Variants in FGFR4 observed in about 807,000 individuals in gnomAD.
The protein encoded by FGFR4 is fibroblast growth factor receptor 4.
A neutral mutation model predicts 89.9 loss-of-function variants in FGFR4; 63 were observed. The observed-to-expected ratio is 0.70, with a 90% CI of 0.57 to 0.86. The LOEUF is 0.86. Ranked by LOEUF, FGFR4 falls within the 40% of genes least tolerant of loss-of-function variation. The probability of loss-of-function intolerance (pLI) is 0.00; values close to 1 mark genes in which losing one functional copy is unlikely to be tolerated. For missense variants in FGFR4, 928 were observed against 1,106.7 expected, an observed-to-expected ratio of 0.84 and a Z score of 2.29; for synonymous variants, 486 against 479.4, an observed-to-expected ratio of 1.01 and a Z score of -0.18.
rs1024108831 is a variant in FGFR4, at chr5:177,087,040, A to C, written c.-91A>C. 2 of 152,558 alleles carry C rather than the reference A, an allele frequency of 1.3e-5. No homozygotes were observed. The highest frequency in any genetic ancestry group is 6.5e-5 in the Admixed American group (1 of 15,282). The allele number at this position is 152,558 out of a possible 1,614,324, so 9.5% of individuals were successfully genotyped here. A position where few individuals can be genotyped will look rare whatever the true frequency, so the allele number is the denominator to read the frequency against. ...CCAGGTGAGGAGGAGCCAGGTGAGC[A>C]GGACCCTGTGCTGGGCGCGGAGTCA... is the stretch of plus-strand genomic sequence containing the variant. On this transcript the variant is annotated 5_prime_UTR_variant, in exon 1 of 18. Coordinates refer to ENST00000292408, the MANE Select transcript of FGFR4 (RefSeq NM_213647.3). The surrounding 1 kb of genome is among the most constrained non-coding windows in gnomAD (Gnocchi z 6.1).
Position 177,095,189 on chromosome 5 carries a change from T to C in FGFR4, c.1520-141T>C. On this transcript the variant is annotated intron_variant, in intron 11 of 17. Coordinates refer to ENST00000292408, the MANE Select transcript of FGFR4 (RefSeq NM_213647.3). This position sits in a 1 kb window ranked among gnomAD's most constrained non-coding sequence, Gnocchi z 5.7. Reference sequence around the variant, plus strand: ...AGGTTCAGAGACGCTAGGAGACTTTTTCAAGGCCACACAGCCTAGCAAGGA... The same window carrying C: ...AGGTTCAGAGACGCTAGGAGACTTTCTCAAGGCCACACAGCCTAGCAAGGA... 1.4e-6 allele frequency: 1 copy of C among 706,834 alleles called. No homozygotes were observed. The highest frequency in any genetic ancestry group is 2.5e-6 in the Non-Finnish European group (1 of 398,756). 43.8% of individuals were successfully genotyped at this position (706,834 alleles called of 1,614,324 possible).
rs1039989029 is a variant in FGFR4 at position 177,093,679 on chromosome 5, G to A, written c.1423G>A (p.Glu475Lys). ...DRLVLGKPLG[E>K]GCFGQVVRAE... ...GCTGGTGCTTGGGAAGCCCCTAGGC[G>A]AGGGCTGCTTTGGCCAGGTAGTACG... Residue 475 changes from glutamate to lysine, a missense_variant, in exon 11 of 18, where the codon GAG becomes AAG. By Grantham distance (56) the Glu-to-Lys change is moderately conservative. Transcript: ENST00000292408. This position sits in a 1 kb window ranked among gnomAD's most constrained non-coding sequence, Gnocchi z 5.8. 1.2e-6 allele frequency: 2 copies of A among 1,614,216 alleles called. No homozygotes were observed. The highest frequency in any genetic ancestry group is 1.1e-5 in the South Asian group (1 of 91,078).
chr5:177,089,592 G>C lies in FGFR4; in HGVS notation c.-11G>C, dbSNP rs753320536. 1.9e-6 allele frequency: 3 copies of C among 1,612,504 alleles called. No homozygotes were observed. In the South Asian group the frequency reaches 3.3e-5, roughly 18 times the overall value. The stretch of plus-strand genomic sequence containing the variant: ...AGTCCAGCTTGGGTCCCTGAGAGCT[G>C]TGAGAAGGAGATGCGGCTGCTGCTG... On this transcript the variant is annotated 5_prime_UTR_variant, in exon 2 of 18. Coordinates refer to ENST00000292408, the MANE Select transcript of FGFR4 (RefSeq NM_213647.3).
chr5:177,095,027 C>A lies in FGFR4; in HGVS notation c.1520-303C>A. 1 of 362,744 alleles carries A rather than the reference C, an allele frequency of 2.8e-6. No homozygotes were observed. Among genetic ancestry groups the A allele is most frequent in the Non-Finnish European group, 5.3e-6 (1 of 189,922 alleles). The allele number at this position is 362,744 out of a possible 1,614,324, so 22.5% of individuals were successfully genotyped here. On this transcript the variant is annotated intron_variant, in intron 11 of 17. Coordinates refer to ENST00000292408, the MANE Select transcript of FGFR4 (RefSeq NM_213647.3). This position sits in a 1 kb window ranked among gnomAD's most constrained non-coding sequence, Gnocchi z 5.7. ...TTCCTTCCTTCCTTCCTGCTCCGAG[C>A]TCTTCCCCTCTCTCCTGTGTCCTGG... is the stretch of plus-strand genomic sequence containing the variant.
rs1367232562 is a variant in FGFR4 at position 177,089,558 on chromosome 5, T to C, written c.-45T>C. On this transcript the variant is annotated 5_prime_UTR_variant, in exon 2 of 18. Transcript: ENST00000292408. ...TTCCCTCCCTATTTTAGGAAGGCAG[T>C]TGGTGGGAAGTCCAGCTTGGGTCCC... The C allele has an allele frequency of 1.3e-6, 2 of 1,584,534 alleles. No homozygotes were observed. Among genetic ancestry groups the C allele is most frequent in the South Asian group, 2.3e-5 (2 of 88,880 alleles).
chr5:177,090,107 TGTGTGTCC>T (rs1338963126), intron 2 of FGFR4: 4 of 668,376 alleles, frequency 6.0e-6, no homozygotes, highest in Non-Finnish European at 1.1e-5. Context: ...CTTGTGTGTG[TGTGTGTCC>T]GTATGTGTGT....
Position 177,089,683 on chromosome 5 carries a change from A to G in FGFR4, c.81A>G (p.Glu27=), listed in dbSNP as rs1317488441. Residue 27 remains glutamate (E), a synonymous_variant, in exon 2 of 18, where the codon GAA becomes GAG. Coordinates refer to ENST00000292408, the MANE Select transcript of FGFR4 (RefSeq NM_213647.3). ...TCTTGTCCCTGGAGGCCTCTGAGGAAGTGGAGCTTGGTATGGCTTCTGAGG... is the reference window on the plus strand; with the variant it reads ...TCTTGTCCCTGGAGGCCTCTGAGGAGGTGGAGCTTGGTATGGCTTCTGAGG... The part of the protein sequence containing the change: ...PPVLSLEASE[E]VELEPCLAPS... 1 of 1,613,540 alleles carries G rather than the reference A, an allele frequency of 6.2e-7. No homozygotes were observed. Among genetic ancestry groups the G allele is most frequent in the African/African-American group, 1.3e-5 (1 of 74,860 alleles).
chr5:177,087,538 C>G lies in FGFR4; in HGVS notation c.-54+461C>G. ...AGGAGAACCCAGGACTGTCTGATGC[C>G]TAAGGCAGGCCCTCCATTCCCACGT... On this transcript the variant is annotated intron_variant, in intron 1 of 17. Coordinates refer to ENST00000292408, the MANE Select transcript of FGFR4 (RefSeq NM_213647.3). The surrounding 1 kb of genome is among the most constrained non-coding windows in gnomAD (Gnocchi z 6.1). 1 of 978,374 alleles carries G rather than the reference C, an allele frequency of 1.0e-6. No homozygotes were observed. The highest frequency in any genetic ancestry group is 1.2e-6 in the Non-Finnish European group (1 of 823,598). 60.6% of individuals were successfully genotyped at this position (978,374 alleles called of 1,614,324 possible). A position where few individuals can be genotyped will look rare whatever the true frequency, so the allele number is the denominator to read the frequency against.
In FGFR4 at chr5:177,095,707, A is replaced by G; in HGVS notation, c.1805A>G (p.Tyr602Cys). The change falls in exon 13 of 18, where the codon TAT becomes TGT. Residue 602 changes from tyrosine to cysteine, a missense_variant. This residue lies in a region of FGFR4 where 741 missense variants were observed against 836.9 expected (regional missense o/e 0.89). Transcript: ENST00000292408. The surrounding 1 kb of genome is among the most constrained non-coding windows in gnomAD (Gnocchi z 5.7). ...CAYQVARGMQ[Y>C]LESRKCIHRD... ...TACCAGGTGGCCCGAGGCATGCAGT[A>G]TCTGGAGTCCCGGAAGGTACAGGCG... 6.2e-7 allele frequency: 1 copy of G among 1,606,790 alleles called. No homozygotes were observed.
intron 17 of FGFR4, 62 bp downstream of exon 17, chr5:177,097,459 G>C: frequency 6.2e-7 from 1 of 1,602,632 alleles, no homozygotes; most frequent in African/African-American, 1.3e-5. Flanking sequence ...CATCTGGCCT[G>C]ACCGCGTGGA....
Position 177,097,481 on chromosome 5 carries a change from T to C in FGFR4, c.2260-46T>C, listed in dbSNP as rs201935491. The C allele has an allele frequency of 8.7e-6, 14 of 1,604,304 alleles. No individual in the cohort carries two copies. The African/African-American group carries it at 1.9e-4, about 21-fold the overall frequency. On this transcript the variant is annotated intron_variant, in intron 17 of 17. Transcript: ENST00000292408. ...CCTGACCGCGTGGACATGCGCCCCG[T>C]CCCATCCCGGGCGCTGCAGAGGCTG...
In FGFR4 at chr5:177,093,185, G is replaced by A. The variant is rs1234003025; in HGVS notation, c.1105G>A (p.Asp369Asn). 2 of 1,613,876 alleles carry A rather than the reference G, an allele frequency of 1.2e-6. No homozygotes were observed. The highest frequency in any genetic ancestry group is 1.1e-5 in the South Asian group (1 of 91,090). The stretch of plus-strand genomic sequence containing the variant: ...AGCAGCGCCCGAGGCCAGGTATACG[G>A]ACATCATCCTGTACGCGTCGGGCTC... ...TAAAPEARYT[D>N]IILYASGSLA... Residue 369 changes from aspartate to asparagine, a missense_variant, in exon 9 of 18, where the codon GAC becomes AAC. Coordinates refer to ENST00000292408, the MANE Select transcript of FGFR4 (RefSeq NM_213647.3). This position sits in a 1 kb window ranked among gnomAD's most constrained non-coding sequence, Gnocchi z 5.8.
In FGFR4 at chr5:177,096,744, G is replaced by A. The variant is rs867171083; in HGVS notation, c.2153+3G>A. On this transcript the variant is annotated splice_donor_region_variant and intron_variant, in intron 16 of 17. Coordinates refer to ENST00000292408, the MANE Select transcript of FGFR4 (RefSeq NM_213647.3). ...CCCCCACACTGCCCCCCAGAGCTGT[G>A]AGGCCTCACCCTGCCCTCGACCCCA... The A allele has an allele frequency of 6.4e-7, 1 of 1,571,874 alleles. No individual in the cohort carries two copies. The highest frequency in any genetic ancestry group is 8.6e-7 in the Non-Finnish European group (1 of 1,158,548).
At position 177,093,789 on chromosome 5, in the gene FGFR4, G is replaced by C; in HGVS notation, c.1519+14G>C. On this transcript the variant is annotated intron_variant, in intron 11 of 17. Coordinates refer to ENST00000292408, the MANE Select transcript of FGFR4 (RefSeq NM_213647.3). This position sits in a 1 kb window ranked among gnomAD's most constrained non-coding sequence, Gnocchi z 5.8. Reference sequence around the variant, plus strand: ...AGATGCTCAAAGGTGAGTGTGGCCCGGTGTGGTGGCTCACACCTGTAACGC... The same window carrying C: ...AGATGCTCAAAGGTGAGTGTGGCCCCGTGTGGTGGCTCACACCTGTAACGC... The C allele has an allele frequency of 1.9e-6, 3 of 1,606,502 alleles. No individual in the cohort carries two copies. Among genetic ancestry groups the C allele is most frequent in the South Asian group, 1.1e-5 (1 of 90,704 alleles).
In FGFR4 at chr5:177,091,793, C is replaced by T. The variant is rs771333444; in HGVS notation, c.712C>T (p.Leu238=). Residue 238 remains leucine (L), a synonymous_variant, in exon 6 of 18, where the codon CTG becomes TTG. Coordinates refer to ENST00000292408, the MANE Select transcript of FGFR4 (RefSeq NM_213647.3). ...TGTGGGCAGCATCCGCTATAACTAC[C>T]TGCTAGATGTGCTGGGTGAGCGCGG... The part of the protein sequence containing the change: ...NAVGSIRYNY[L]LDVLERSPHR... 3 of 1,614,162 alleles carry T rather than the reference C, an allele frequency of 1.9e-6. No homozygotes were observed. The highest frequency in any genetic ancestry group is 2.5e-6 in the Non-Finnish European group (3 of 1,180,016).
chr5:177,090,605 G>A lies in FGFR4; in HGVS notation c.307G>A (p.Ala103Thr), dbSNP rs2149731070. The change falls in exon 3 of 18, where the codon GCA becomes ACA. Residue 103 changes from alanine to threonine, a missense_variant. Transcript: ENST00000292408. ...GGATGCTGGCCGCTACCTCTGCCTG[G>A]CACGAGGCTCCATGATCGTCCTGCA... ...PEDAGRYLCL[A>T]RGSMIVLQNL... 6.6e-7 allele frequency: 1 copy of A among 1,522,686 alleles called. No homozygotes were observed. Among genetic ancestry groups the A allele is most frequent in the South Asian group, 1.3e-5 (1 of 75,548 alleles). The allele number at this position is 1,522,686 out of a possible 1,614,324, so 94.3% of individuals were successfully genotyped here.
chr5:177,097,687 A>G lies in FGFR4; in HGVS notation c.*11A>G. ...GGGGTGCAGACATGAGCAAGGCTCA[A>G]GGCTGTGCAGGCACATAGGCTGGTG... On this transcript the variant is annotated 3_prime_UTR_variant, in exon 18 of 18. Transcript: ENST00000292408. 1 of 1,612,846 alleles carries G rather than the reference A, an allele frequency of 6.2e-7. No individual in the cohort carries two copies. Among genetic ancestry groups the G allele is most frequent in the South Asian group, 1.1e-5 (1 of 90,974 alleles).
At position 177,097,711 on chromosome 5, in the gene FGFR4, TGGCCTTG is replaced by T; in HGVS notation, c.*45_*51del. 1 of 1,603,918 alleles carries T rather than the reference TGGCCTTG, an allele frequency of 6.2e-7. No homozygotes were observed. Among genetic ancestry groups the T allele is most frequent in the East Asian group, 2.2e-5 (1 of 44,724 alleles). ...AAGGCTGTGCAGGCACATAGGCTGG[TGGCCTTG>T]GGCCTTGGGGCTCAGCCACAGCCTG... is the stretch of plus-strand genomic sequence containing the variant. On this transcript the variant is annotated 3_prime_UTR_variant, in exon 18 of 18. Coordinates refer to ENST00000292408, the MANE Select transcript of FGFR4 (RefSeq NM_213647.3).
chr5:177,091,764 A>G lies in FGFR4; in HGVS notation c.683A>G (p.Asn228Ser), dbSNP rs1283810103. 2.5e-6 allele frequency: 4 copies of G among 1,614,212 alleles called. No individual in the cohort carries two copies. The highest frequency in any genetic ancestry group is 3.4e-6 in the Non-Finnish European group (4 of 1,180,034). The change falls in exon 6 of 18, where the codon AAC becomes AGC. Residue 228 changes from asparagine (N) to serine (S), a missense_variant. By Grantham distance (46) the Asn-to-Ser change is conservative. This residue lies in a region of FGFR4 where 741 missense variants were observed against 836.9 expected (regional missense o/e 0.89). Coordinates refer to ENST00000292408, the MANE Select transcript of FGFR4 (RefSeq NM_213647.3). ...DRGTYTCLVE[N>S]AVGSIRYNYL... is the part of the protein sequence containing the mutation. Reference sequence around the variant, plus strand: ...GGCACATACACCTGCCTGGTAGAGAACGCTGTGGGCAGCATCCGCTATAAC... The same window carrying G: ...GGCACATACACCTGCCTGGTAGAGAGCGCTGTGGGCAGCATCCGCTATAAC...
Sources: gnomAD v4.1 joint callset for allele counts on GRCh38, gnomAD v4.1.1 for gene constraint, gnomAD v4.1.1 regional missense constraint, Gnocchi (gnomAD v3.1) non-coding constraint, MANE v1.5 for transcripts, NCBI Gene and HGNC (gene_info 2026-07-23, HGNC 2026-07-21) for gene names.